The following OLR1 variants were observed in gnomAD, a reference collection of about 807,000 sequenced individuals.
OLR1 encodes oxidized low-density lipoprotein receptor 1.
A neutral mutation model predicts 31.7 loss-of-function variants in OLR1; 23 were observed. The ratio of observed to expected loss-of-function variants is 0.72; its 90% confidence interval spans 0.52 to 1.03. The LOEUF is 1.03. Ranked by LOEUF, OLR1 falls within the 50% of genes least tolerant of loss-of-function variation. The pLI is 0.00. For synonymous variants in OLR1, 117 were observed against 115.8 expected, an observed-to-expected ratio of 1.01 and a Z score of -0.07; for missense variants, 286 against 315.7, an observed-to-expected ratio of 0.91 and a Z score of 0.71.
rs1948615112 is a variant in OLR1, at chr12:10,160,935, A to C, written c.425-10T>G. On this transcript the variant is annotated splice_polypyrimidine_tract_variant and intron_variant, in intron 3 of 5. Transcript: ENST00000309539. Reference sequence around the variant, plus strand: ...TCTTGCGGACAAGGAGCTGGGAAGGATAGTATATCTCATCAGTCAGTTATG... The same window carrying C: ...TCTTGCGGACAAGGAGCTGGGAAGGCTAGTATATCTCATCAGTCAGTTATG... 2.5e-6 allele frequency: 4 copies of C among 1,612,360 alleles called. No individual in the cohort carries two copies. The highest frequency in any genetic ancestry group is 3.4e-6 in the Non-Finnish European group (4 of 1,178,576).
At position 10,163,224 on chromosome 12, in the gene OLR1, T is replaced by A. The variant is rs561125396; in HGVS notation, c.425-2299A>T. Among the ~76,000 whole-genome samples the A allele has an allele frequency of 6.6e-5, 10 of 152,208 alleles. No individual in the cohort carries two copies. In the South Asian group the frequency reaches 2.1e-3, roughly 32 times the overall value. Reference sequence around the variant, plus strand: ...AGAATCTGGACCTAGATAATGTAACTCTAGAGTCTGGGTGTTTCACCACTA... The same window carrying A: ...AGAATCTGGACCTAGATAATGTAACACTAGAGTCTGGGTGTTTCACCACTA... On this transcript the variant is annotated intron_variant, in intron 3 of 5. Transcript: ENST00000309539.
rs754136445 is a variant in OLR1, at chr12:10,160,477, GT to G, written c.565-16del. On this transcript the variant is annotated splice_polypyrimidine_tract_variant and intron_variant, in intron 4 of 5. Transcript: ENST00000309539. ...TGGATGAAGTCCTGTGGGGAGTAAT[GT>G]TTCTGAGTTTGTGGAATCCACATGG... The G allele has an allele frequency of 6.4e-7, 1 of 1,572,442 alleles. No homozygotes were observed. The highest frequency in any genetic ancestry group is 1.7e-4 in the Middle Eastern group (1 of 5,994).
intron 3 of OLR1, among the ~76,000 whole-genome samples, chr12:10,161,360 T>C (rs1410300424): frequency 6.6e-6 from 1 of 152,184 alleles, no homozygotes; most frequent in African/African-American, 2.4e-5. Context: ...TAAAGTTGTG[T>C]TGGAAATAAA....
At chr12:10,170,799 G>C (rs1948708874) in intron 1 of OLR1, 1 of 152,086 alleles carries the variant, frequency 6.6e-6, no homozygotes, top group Non-Finnish European at 1.5e-5. Flanking sequence ...CTTAAATAAT[G>C]AAAAACTAAA....
chr12:10,161,132 G>A (rs577879012), intron 3 of OLR1, among the ~76,000 whole-genome samples: 20 of 152,070 alleles, frequency 1.3e-4, no homozygotes, highest in African/African-American at 4.1e-4. Flanking sequence ...GAGACACCGC[G>A]CCCTGCCCAC....
intron 2 of OLR1, 52 bp downstream of exon 2, chr12:10,169,022 A>C (rs1948686117): frequency 7.7e-7 from 1 of 1,290,328 alleles, no homozygotes; most frequent in Admixed American, 2.3e-5. Flanking sequence ...TATTAACCTC[A>C]TTTCCAACAC....
At chr12:10,175,086 T>TCTC (rs1342916915), upstream of OLR1, among the ~76,000 whole-genome samples, 1 of 152,168 alleles carries the variant, frequency 6.6e-6, no homozygotes, top group African/African-American at 2.4e-5. Flanking sequence ...TTTAGAGGGC[T>TCTC]CTCATTATTC....
At chr12:10,169,703 C>T (rs1424127624) in intron 1 of OLR1, among the ~76,000 whole-genome samples, 1 of 152,104 alleles carries the variant, frequency 6.6e-6, no homozygotes, top group Non-Finnish European at 1.5e-5. Context: ...TAATTTTATG[C>T]TATTCAATTA....
In OLR1 at chr12:10,159,908, T is replaced by C; in HGVS notation, c.794A>G (p.Gln265Arg). 1 of 1,613,402 alleles carries C rather than the reference T, an allele frequency of 6.2e-7. No homozygotes were observed. Among genetic ancestry groups the C allele is most frequent in the South Asian group, 1.1e-5 (1 of 91,002 alleles). ...NCILAAFSIC[Q>R]KKANLRAQ ...CTGTGCTCTTAGGTTTGCCTTCTTC[T>C]GACATATACTGAAGGCAGCTAAAAT... Residue 265 changes from glutamine (Q) to arginine (R), a missense_variant, in exon 6 of 6, where the codon CAG becomes CGG. Transcript: ENST00000309539.
upstream of OLR1, among the ~76,000 whole-genome samples, chr12:10,174,121 C>T (rs555592412): frequency 4.6e-5 from 7 of 152,296 alleles, no homozygotes; most frequent in South Asian, 4.1e-4. Context: ...ATTGCAATGG[C>T]ATGATCTCGG....
chr12:10,173,864 G>A (rs1948745452), upstream of OLR1, among the ~76,000 whole-genome samples: 1 of 151,686 alleles, frequency 6.6e-6, no homozygotes, highest in Non-Finnish European at 1.5e-5. Context: ...TGGATGCCAT[G>A]AATATTATAG....
chr12:10,160,065 G>A (rs1397026577), intron 5 of OLR1, 44 bp from the exon 6 acceptor site: 4 of 1,562,944 alleles, frequency 2.6e-6, no homozygotes, highest in African/African-American at 1.4e-5. Flanking sequence ...AAAAACTTAG[G>A]TTTACTGCCA....
At chr12:10,173,543 GC>G (rs2137532540), upstream of OLR1, among the ~76,000 whole-genome samples, 2 of 119,792 alleles carry the variant, frequency 1.7e-5, no homozygotes, top group East Asian at 5.9e-4. Context: ...ACTTTGGGAA[GC>G]TGAGGGGGGG....
At chr12:10,173,569 G>A (rs1218190226), upstream of OLR1, among the ~76,000 whole-genome samples, 1 of 151,706 alleles carries the variant, frequency 6.6e-6, no homozygotes, top group African/African-American at 2.4e-5. Context: ...GATCACTGAG[G>A]TCAGGAGTTC....
chr12:10,173,559 G>C (rs2137532716), upstream of OLR1, among the ~76,000 whole-genome samples: 1 of 151,394 alleles, frequency 6.6e-6, no homozygotes, highest in South Asian at 2.1e-4. Flanking sequence ...GGGGGGGGTG[G>C]ATCACTGAGG....
upstream of OLR1, among the ~76,000 whole-genome samples, chr12:10,176,136 C>T (rs1350013751): frequency 6.6e-6 from 1 of 152,186 alleles, no homozygotes; most frequent in African/African-American, 2.4e-5. Context: ...CCTTCTGTAC[C>T]TGTCCAAAGT....
chr12:10,168,915 C>A (rs6488266), intron 2 of OLR1, among the ~76,000 whole-genome samples, 159 bp downstream of exon 2: 27,703 of 152,196 alleles, frequency 0.18, 5,750 homozygotes, highest in African/African-American at 0.51. Flanking sequence ...CAATATACCC[C>A]TTTATTTTCA....
chr12:10,165,512 G>A lies in OLR1; in HGVS notation c.424+1200C>T, dbSNP rs530655519. ...CAGAGTGAGCTAATGTAGAGTTAGGGGTAGACAGTTGCAAGGACAAAAAGA... is the reference window on the plus strand; with the variant it reads ...CAGAGTGAGCTAATGTAGAGTTAGGAGTAGACAGTTGCAAGGACAAAAAGA... On this transcript the variant is annotated intron_variant, in intron 3 of 5. Transcript: ENST00000309539. Among the ~76,000 whole-genome samples the A allele has an allele frequency of 1.5e-3, 222 of 152,170 alleles. 2 individuals carry two copies. The highest frequency in any genetic ancestry group is 4.8e-3 in the African/African-American group (200 of 41,506).
intron 3 of OLR1, among the ~76,000 whole-genome samples, chr12:10,161,944 T>TATATATA (rs1474284777): frequency 1.9e-5 from 1 of 53,160 alleles, no homozygotes; most frequent in Non-Finnish European, 4.3e-5. Flanking sequence ...TATATATATA[T>TATATATA]AAAAAACACA....
Sources: gnomAD v4.1 joint callset for allele counts (sites outside exome capture counted in the v4.1 genomes callset) on GRCh38, gnomAD v4.1.1 for gene constraint, MANE v1.5 for transcripts, NCBI Gene and HGNC (gene_info 2026-07-23, HGNC 2026-07-21) for gene names.